FER: variants seen among roughly 807,000 people sequenced by gnomAD.
The protein encoded by FER is FER tyrosine kinase.
FER carries 63 observed loss-of-function variants against 111.0 expected under a neutral mutation model. The observed-to-expected ratio is 0.57, with a 90% CI of 0.46 to 0.70. The LOEUF (loss-of-function observed/expected upper bound fraction) is 0.70. Among genes scored for constraint, FER ranks in the 30% least tolerant of loss-of-function variants. The probability of loss-of-function intolerance (pLI) is 0.00; values close to 1 mark genes in which losing one functional copy is unlikely to be tolerated. For synonymous variants in FER, 327 were observed against 313.9 expected (o/e 1.04, Z -0.44); for missense variants, 914 against 954.0 (o/e 0.96, Z 0.55).
chr5:109,007,533 T>C (rs1011432380), intron 13 of FER, among the ~76,000 whole-genome samples: 1 of 152,208 alleles, frequency 6.6e-6, no homozygotes. Context: ...CAGTATGTGC[T>C]CTTTTCAATT....
chr5:109,157,923 C>T (rs1755576913), intron 17 of FER, among the ~76,000 whole-genome samples: 1 of 152,036 alleles, frequency 6.6e-6, no homozygotes, highest in Admixed American at 6.6e-5. Context: ...GATTACTATT[C>T]AGTGAGATAC....
At chr5:109,050,291 T>G (rs1400675617) in intron 16 of FER, among the ~76,000 whole-genome samples, 3 of 151,972 alleles carry the variant, frequency 2.0e-5, no homozygotes, top group Non-Finnish European at 1.5e-5. Flanking sequence ...AAAAAAAAAG[T>G]GTGTTTTACT....
At chr5:108,949,911 G>A (rs1757492190) in intron 11 of FER, among the ~76,000 whole-genome samples, 1 of 152,066 alleles carries the variant, frequency 6.6e-6, no homozygotes, top group Non-Finnish European at 1.5e-5. Flanking sequence ...GAGAGGATGA[G>A]TGAGAGTCAC....
intron 3 of FER, among the ~76,000 whole-genome samples, chr5:108,804,952 G>T (rs1441654444): frequency 6.7e-6 from 1 of 149,824 alleles, no homozygotes; most frequent in East Asian, 1.9e-4. Flanking sequence ...ATTTGGCTGT[G>T]AATCCATTTA....
chr5:109,102,341 T>G (rs573335916), intron 17 of FER, among the ~76,000 whole-genome samples: 10 of 152,214 alleles, frequency 6.6e-5, no homozygotes, highest in African/African-American at 1.9e-4. Flanking sequence ...CAGTTGAACA[T>G]CTTGAACAAT....
chr5:109,183,604 C>T (rs1758535398), intron 18 of FER, among the ~76,000 whole-genome samples: 1 of 152,114 alleles, frequency 6.6e-6, no homozygotes, highest in Admixed American at 6.5e-5. Context: ...TCTTGTCTCA[C>T]TCAGAATAGG....
At chr5:109,139,035 T>TG (rs2126623177) in intron 17 of FER, among the ~76,000 whole-genome samples, 1 of 152,230 alleles carries the variant, frequency 6.6e-6, no homozygotes, top group South Asian at 2.1e-4. Context: ...ATTTGACATT[T>TG]GCTTTTGGAC....
chr5:109,010,071 A>C (rs1437495639), intron 13 of FER, among the ~76,000 whole-genome samples: 1 of 152,244 alleles, frequency 6.6e-6, no homozygotes, highest in Non-Finnish European at 1.5e-5. Context: ...CATTTCAAAG[A>C]GGTACCTGTA....
At chr5:108,949,721 T>C (rs1171515670) in intron 11 of FER, among the ~76,000 whole-genome samples, 2 of 152,130 alleles carry the variant, frequency 1.3e-5, no homozygotes, top group Non-Finnish European at 2.9e-5. Flanking sequence ...ATTGCAATGA[T>C]CTGGTAGTAG....
At chr5:108,918,945 T>C (rs951586740) in intron 10 of FER, among the ~76,000 whole-genome samples, 1 of 152,246 alleles carries the variant, frequency 6.6e-6, no homozygotes, top group Non-Finnish European at 1.5e-5. Context: ...AGGCTAGATC[T>C]GTAAAATTAG....
chr5:108,770,988 G>A (rs1752837272), intron 2 of FER, among the ~76,000 whole-genome samples: 1 of 151,682 alleles, frequency 6.6e-6, no homozygotes. Flanking sequence ...CCAGGCTGGA[G>A]TGCAGTGGTG....
In FER at chr5:108,883,383, C is replaced by T. The variant is rs1413866734; in HGVS notation, c.924-13C>T. The T allele has an allele frequency of 6.3e-7, 1 of 1,585,430 alleles. No individual in the cohort carries two copies. The highest frequency in any genetic ancestry group is 1.4e-5 in the African/African-American group (1 of 73,536). On this transcript the variant is annotated splice_polypyrimidine_tract_variant and intron_variant, in intron 8 of 19. Coordinates refer to ENST00000281092, the MANE Select transcript of FER (RefSeq NM_005246.4). Reference sequence around the variant, plus strand: ...AATTTGTTGGTTGTTATTGAGGATACTGTTTATTCTAGGTTGAAAACGTTA... The same window carrying T: ...AATTTGTTGGTTGTTATTGAGGATATTGTTTATTCTAGGTTGAAAACGTTA...
intron 16 of FER, among the ~76,000 whole-genome samples, chr5:109,053,523 C>T (rs936522011): frequency 8.5e-5 from 13 of 152,052 alleles, no homozygotes; most frequent in Admixed American, 6.5e-4. Context: ...CTGTCACAGC[C>T]AACCACTAAG....
chr5:108,943,428 A>G (rs1447090410), intron 10 of FER, among the ~76,000 whole-genome samples: 2 of 152,148 alleles, frequency 1.3e-5, no homozygotes, highest in Non-Finnish European at 1.5e-5. Flanking sequence ...CTCCTTTCAG[A>G]ACCTCACTTT....
At position 108,797,294 on chromosome 5, in the gene FER, A is replaced by G. The variant is rs1399157387; in HGVS notation, c.-59-830A>G. Reference sequence around the variant, plus strand: ...TTGTCTCCTCTCCTCAAGCAGAAGGATGGAGTCACTTTTGTTGCTGCAAGC... The same window carrying G: ...TTGTCTCCTCTCCTCAAGCAGAAGGGTGGAGTCACTTTTGTTGCTGCAAGC... On this transcript the variant is annotated intron_variant, in intron 2 of 19. Transcript: ENST00000281092. 2.6e-5 allele frequency among the ~76,000 whole-genome samples: 4 copies of G among 152,100 alleles called. No homozygotes were observed. The East Asian group carries it at 7.7e-4, about 29-fold the overall frequency.
At chr5:109,155,351 A>G (rs1755249771) in intron 17 of FER, among the ~76,000 whole-genome samples, 1 of 151,932 alleles carries the variant, frequency 6.6e-6, no homozygotes, top group African/African-American at 2.4e-5. Context: ...TAAGATGAAC[A>G]TTTTGGGGGT....
In FER at chr5:109,044,664, G is replaced by A. The variant is rs759426135; in HGVS notation, c.1714-16G>A. 4 of 1,264,968 alleles carry A rather than the reference G, an allele frequency of 3.2e-6. No homozygotes were observed. Among genetic ancestry groups the A allele is most frequent in the Non-Finnish European group, 4.4e-6 (4 of 901,026 alleles). 78.4% of individuals were successfully genotyped at this position (1,264,968 alleles called of 1,614,324 possible). A position where few individuals can be genotyped will look rare whatever the true frequency, so the allele number is the denominator to read the frequency against. ...CTGTCATTTACCCCAGACAATGAAT[G>A]TATTTCTATTTTCAGGGAAATTTTG... On this transcript the variant is annotated splice_polypyrimidine_tract_variant and intron_variant, in intron 14 of 19. Coordinates refer to ENST00000281092, the MANE Select transcript of FER (RefSeq NM_005246.4).
chr5:109,009,753 C>T (rs1766003276), intron 13 of FER, among the ~76,000 whole-genome samples: 2 of 152,172 alleles, frequency 1.3e-5, no homozygotes, highest in African/African-American at 4.8e-5. Context: ...GGAGGTTCTG[C>T]TGACTTAGCC....
At chr5:109,078,042 T>TC (rs1232050143) in intron 16 of FER, among the ~76,000 whole-genome samples, 1 of 152,138 alleles carries the variant, frequency 6.6e-6, no homozygotes, top group East Asian at 1.9e-4. Flanking sequence ...GTGTCAGCAA[T>TC]CACCAGTATA....
Sources: gnomAD v4.1 joint callset for allele counts (sites outside exome capture counted in the v4.1 genomes callset) on GRCh38, gnomAD v4.1.1 for gene constraint, MANE v1.5 for transcripts, NCBI Gene and HGNC (gene_info 2026-07-23, HGNC 2026-07-21) for gene names.